Variants in PRKCQ observed in about 807,000 individuals in gnomAD.
PRKCQ encodes the protein protein kinase C theta.
PRKCQ carries 41 observed loss-of-function variants against 91.2 expected under a neutral mutation model. That is an observed-to-expected ratio of 0.45 (90% CI 0.35 to 0.58). PRKCQ has a LOEUF of 0.58. Among genes scored for constraint, PRKCQ ranks in the 20% least tolerant of loss-of-function variants. The pLI is 0.00. For missense variants in PRKCQ, 673 were observed against 896.5 expected (o/e 0.75, Z 3.18); for synonymous variants, 307 against 316.9 (o/e 0.97, Z 0.33).
chr10:6,395,056 C>CTTTTT, the PRKCQ span, among the ~76,000 whole-genome samples: 52 of 66,976 alleles, frequency 7.8e-4, no homozygotes, highest in Non-Finnish European at 1.1e-3. Context: ...AAGCTGGAGT[C>CTTTTT]TTTTTTTTTT....
At chr10:6,514,823 G>A (rs574796720) in intron 2 of PRKCQ, among the ~76,000 whole-genome samples, 195 bp downstream of exon 2, 4 of 152,226 alleles carry the variant, frequency 2.6e-5, no homozygotes, top group East Asian at 1.9e-4. Flanking sequence ...GTGGGCCATC[G>A]GGTCCTGGTT....
At chr10:6,565,443 A>G (rs1840806950) in intron 1 of PRKCQ, among the ~76,000 whole-genome samples, 1 of 152,226 alleles carries the variant, frequency 6.6e-6, no homozygotes. Context: ...CTATGTGTTA[A>G]CATTTTCCTC....
At chr10:6,490,951 G>A (rs1437414268) in intron 8 of PRKCQ, among the ~76,000 whole-genome samples, 1 of 151,500 alleles carries the variant, frequency 6.6e-6, no homozygotes. Context: ...GCTTCTAAAC[G>A]TTATCGCCTT....
At chr10:6,574,144 C>T (rs1376712724) in intron 1 of PRKCQ, among the ~76,000 whole-genome samples, 4 of 152,102 alleles carry the variant, frequency 2.6e-5, no homozygotes, top group African/African-American at 7.2e-5. Flanking sequence ...AAGAGCAGAC[C>T]CCTGGCTGTC....
At chr10:6,549,621 C>A (rs1021767866) in intron 1 of PRKCQ, among the ~76,000 whole-genome samples, 20 of 135,998 alleles carry the variant, frequency 1.5e-4, no homozygotes, top group African/African-American at 4.8e-4. Flanking sequence ...ACATAAAATT[C>A]ATCTTTTTTT....
intron 15 of PRKCQ, among the ~76,000 whole-genome samples, chr10:6,446,730 A>G (rs1834329728): frequency 6.6e-6 from 1 of 152,328 alleles, no homozygotes; most frequent in African/African-American, 2.4e-5. Flanking sequence ...TTTCTCTCTC[A>G]GCCCCGGGAC....
intron 1 of PRKCQ, among the ~76,000 whole-genome samples, chr10:6,529,964 G>A (rs1050902045): frequency 2.0e-5 from 3 of 152,176 alleles, no homozygotes; most frequent in Non-Finnish European, 4.4e-5. Flanking sequence ...TGTTTCATGG[G>A]TCATCAGACA....
rs369516335 is a variant in PRKCQ at position 6,430,337 on chromosome 10, A to G, written c.1965+473T>C. Among the ~76,000 whole-genome samples the G allele has an allele frequency of 1.3e-5, 2 of 152,210 alleles. No homozygotes were observed. The highest frequency in any genetic ancestry group is 2.9e-5 in the Non-Finnish European group (2 of 68,038). ...TTCTCCCTTAAACCAAAGAACACCTAACAATTACCCTTAGGAAATGTCGTT... is the reference window on the plus strand; with the variant it reads ...TTCTCCCTTAAACCAAAGAACACCTGACAATTACCCTTAGGAAATGTCGTT... On this transcript the variant is annotated intron_variant, in intron 17 of 17. Coordinates refer to ENST00000263125, the MANE Select transcript of PRKCQ (RefSeq NM_006257.5). The surrounding 1 kb of genome is among the most constrained non-coding windows in gnomAD (Gnocchi z 4.7).
intron 16 of PRKCQ, among the ~76,000 whole-genome samples, chr10:6,433,806 G>A (rs1200732225): frequency 6.6e-6 from 1 of 152,050 alleles, no homozygotes; most frequent in Non-Finnish European, 1.5e-5. Flanking sequence ...TGAGGTGGGT[G>A]GATCACCTGA....
chr10:6,453,959 A>G (rs1450227083), intron 15 of PRKCQ, among the ~76,000 whole-genome samples: 1 of 152,066 alleles, frequency 6.6e-6, no homozygotes, highest in Non-Finnish European at 1.5e-5. Flanking sequence ...ATTAGGAGAT[A>G]TACCTAATGC....
chr10:6,415,455 T>C, the PRKCQ span, among the ~76,000 whole-genome samples: 29,609 of 118,684 alleles, frequency 0.25, 3,917 homozygotes, highest in Admixed American at 0.28. Context: ...TATATATATA[T>C]ACACTTACTC....
At chr10:6,396,000 C>T in the PRKCQ span, among the ~76,000 whole-genome samples, 1 of 152,162 alleles carries the variant, frequency 6.6e-6, no homozygotes, top group African/African-American at 2.4e-5. Context: ...AATCCTCAAG[C>T]AGTGAGACTT....
At chr10:6,434,154 C>A (rs926369007) in intron 16 of PRKCQ, among the ~76,000 whole-genome samples, 6 of 151,128 alleles carry the variant, frequency 4.0e-5, no homozygotes, top group Admixed American at 6.6e-5. Context: ...TTGGATGAAA[C>A]GAGATTAGAT....
rs1157665750 is a variant in PRKCQ, at chr10:6,576,777, C to T, written c.-10+3434G>A. 6.6e-6 allele frequency among the ~76,000 whole-genome samples: 1 copy of T among 152,172 alleles called. No individual in the cohort carries two copies. The highest frequency in any genetic ancestry group is 1.5e-5 in the Non-Finnish European group (1 of 68,014). On this transcript the variant is annotated intron_variant, in intron 1 of 17. Transcript: ENST00000263125. The surrounding 1 kb of genome is among the most constrained non-coding windows in gnomAD (Gnocchi z 4.2). ...CTGGGACTGCGGTTTAAAGCAAATGCTTGATGGTTAGACTAATCTGGATGG... is the reference window on the plus strand; with the variant it reads ...CTGGGACTGCGGTTTAAAGCAAATGTTTGATGGTTAGACTAATCTGGATGG...
rs1564394645 is a variant in PRKCQ, at chr10:6,561,369, C to CGAAAAAAAAA, written c.-10+18841_-10+18842insTTTTTTTTTC. Reference sequence around the variant, plus strand: ...GGACCACCAGAGTGAGACCCTGTCTCAAAAAAAAAAAAAAAAAAAAAAAAA... The same window carrying CGAAAAAAAAA: ...GGACCACCAGAGTGAGACCCTGTCTCGAAAAAAAAAAAAAAAAAAAAAAAAAAAAAAAAAA... On this transcript the variant is annotated intron_variant, in intron 1 of 17. Coordinates refer to ENST00000263125, the MANE Select transcript of PRKCQ (RefSeq NM_006257.5). Among the ~76,000 whole-genome samples, 4 of 82,638 alleles carry CGAAAAAAAAA rather than the reference C, an allele frequency of 4.8e-5. 1 individual carries two copies. The highest frequency in any genetic ancestry group is 2.3e-5 in the Non-Finnish European group (1 of 43,974). The allele number at this position is 82,638 out of a possible 152,430, so 54.2% of individuals were successfully genotyped here.
chr10:6,526,654 G>A (rs956565194), intron 1 of PRKCQ, among the ~76,000 whole-genome samples: 28 of 152,144 alleles, frequency 1.8e-4, no homozygotes, highest in African/African-American at 6.8e-4. Context: ...CTGGGAAGGC[G>A]GATGGGCTGC....
intron 1 of PRKCQ, among the ~76,000 whole-genome samples, chr10:6,559,829 G>C (rs562219785): frequency 6.6e-6 from 1 of 152,038 alleles, no homozygotes; most frequent in African/African-American, 2.4e-5. Context: ...AGTTTTGTGT[G>C]TGTGTGTTTG....
At chr10:6,555,118 G>A (rs906648194) in intron 1 of PRKCQ, among the ~76,000 whole-genome samples, 6 of 151,592 alleles carry the variant, frequency 4.0e-5, no homozygotes, top group African/African-American at 1.5e-4. Flanking sequence ...TAGATACTGG[G>A]GACAAGTAAA....
At chr10:6,454,960 T>A (rs681803) in intron 15 of PRKCQ, among the ~76,000 whole-genome samples, 39,558 of 151,894 alleles carry the variant, frequency 0.26, 5,357 homozygotes, top group Non-Finnish European at 0.29. Flanking sequence ...GAAGGAAGGT[T>A]TGCCGTGGAA....
Sources: allele counts gnomAD v4.1 joint callset (sites outside exome capture counted in the v4.1 genomes callset), GRCh38; gene constraint gnomAD v4.1.1; non-coding constraint Gnocchi (gnomAD v3.1); transcripts MANE v1.5; gene names NCBI Gene and HGNC (gene_info 2026-07-23, HGNC 2026-07-21).